BTNL2: variants seen among roughly 807,000 people sequenced by gnomAD.
BTNL2 encodes the protein butyrophilin like 2.
A neutral mutation model predicts 46.8 loss-of-function variants in BTNL2; 46 were observed. The ratio of observed to expected loss-of-function variants is 0.98; its 90% CI spans 0.78 to 1.26. The LOEUF (loss-of-function observed/expected upper bound fraction) is 1.26. BTNL2 is among the 50% of genes most tolerant of loss of function. The pLI, the probability that BTNL2 is intolerant of heterozygous loss-of-function variation, is 0.00. For synonymous variants in BTNL2, 226 were observed against 229.1 expected, an observed-to-expected ratio of 0.99 and a Z score of 0.12; for missense variants, 461 against 592.6, an observed-to-expected ratio of 0.78 and a Z score of 2.31.
Position 32,405,293 on chromosome 6 carries a change from A to G in BTNL2, c.80-7T>C. ...CCAATGACTCTAAAGTCTTCTATAA[A>G]ATAAGTGAAAAAGAGGAACGAGGAA... On this transcript the variant is annotated splice_polypyrimidine_tract_variant and splice_region_variant and intron_variant, in intron 1 of 7. Transcript: ENST00000454136. The G allele has an allele frequency of 6.2e-7, 1 of 1,612,438 alleles. No individual in the cohort carries two copies. Among genetic ancestry groups the G allele is most frequent in the Non-Finnish European group, 8.5e-7 (1 of 1,179,598 alleles).
chr6:32,396,351 G>C lies in BTNL2; in HGVS notation c.766C>G (p.Leu256Val). 6.2e-7 allele frequency: 1 copy of C among 1,612,644 alleles called. No individual in the cohort carries two copies. The highest frequency in any genetic ancestry group is 8.5e-7 in the Non-Finnish European group (1 of 1,179,734). Residue 256 changes from leucine (L) to valine (V), a missense_variant, in exon 5 of 8, where the codon CTC becomes GTC. By Grantham distance (32) the Leu-to-Val change is conservative. Transcript: ENST00000454136. The surrounding 1 kb of genome is among the most constrained non-coding windows in gnomAD (Gnocchi z 4.4). ...TGTATATCTTCTCCCACTCTGACGA[G>C]GATGGGCTGGGAAGGTCCATTCACT... Reference protein sequence around the residue: ...LKVNGPSQPILVRVGEDIQLT... With the variant: ...LKVNGPSQPIVVRVGEDIQLT...
Position 32,401,772 on chromosome 6 carries a change from A to T in BTNL2, c.730+13T>A, listed in dbSNP as rs777986116. The T allele has an allele frequency of 7.4e-6, 12 of 1,611,720 alleles. No homozygotes were observed. In the South Asian group the frequency reaches 1.0e-4, roughly 13 times the overall value. On this transcript the variant is annotated intron_variant, in intron 4 of 7. Coordinates refer to ENST00000454136, the MANE Select transcript of BTNL2 (RefSeq NM_001304561.2). ...GCTCCCTCCACAGGTGTGTGCCAGC[A>T]CCTCGTACTTACCCAGCTCAGTCTG... is the stretch of plus-strand genomic sequence containing the variant.
chr6:32,400,600 A>C lies in BTNL2; in HGVS notation c.730+1185T>G, dbSNP rs186783551. 1.5e-4 allele frequency among the ~76,000 whole-genome samples: 22 copies of C among 151,604 alleles called. No individual in the cohort carries two copies. The East Asian group carries it at 4.3e-3, about 30-fold the overall frequency. Reference sequence around the variant, plus strand: ...GCAGCAAAATAATACCCTCAGTCCAACTCCGAGATTTAAAAAACAAAAATT... The same window carrying C: ...GCAGCAAAATAATACCCTCAGTCCACCTCCGAGATTTAAAAAACAAAAATT... On this transcript the variant is annotated intron_variant, in intron 4 of 7. Transcript: ENST00000454136.
intron 2 of BTNL2, among the ~76,000 whole-genome samples, chr6:32,403,515 A>T (rs58110932): frequency 0.12 from 18,528 of 152,144 alleles, 1,342 homozygotes; most frequent in East Asian, 0.31. Context: ...AACAGAGATG[A>T]GCTGTAATTT....
At position 32,399,920 on chromosome 6, in the gene BTNL2, C is replaced by G. The variant is rs116522341; in HGVS notation, c.730+1865G>C. ...CGTGCCCAGAGCCCTCCTCTCCCAC[C>G]TGACAGGAAGCAAAGGGAAGCTCCA... On this transcript the variant is annotated intron_variant, in intron 4 of 7. Transcript: ENST00000454136. This position sits in a 1 kb window ranked among gnomAD's most constrained non-coding sequence, Gnocchi z 5.2. Among the ~76,000 whole-genome samples the G allele has an allele frequency of 0.02, 3,029 of 152,282 alleles. 43 individuals carry two copies. Among genetic ancestry groups the G allele is most frequent in the Non-Finnish European group, 0.032 (2,204 of 68,028 alleles).
At chr6:32,395,138 T>TC in intron 5 of BTNL2, 113 bp from the exon 6 acceptor site, 4 of 1,073,348 alleles carry the variant, frequency 3.7e-6, no homozygotes, top group South Asian at 1.7e-5. Context: ...GGAGAAAAGC[T>TC]TAAGGGGGAT....
chr6:32,397,612 C>T lies in BTNL2; in HGVS notation c.731-1226G>A, dbSNP rs143142705. On this transcript the variant is annotated intron_variant, in intron 4 of 7. Coordinates refer to ENST00000454136, the MANE Select transcript of BTNL2 (RefSeq NM_001304561.2). ...ATCTGTCTTAAACTACTTCTTAATGCCTCAGTTTCTTAAACTGTAAATTTG... is the reference window on the plus strand; with the variant it reads ...ATCTGTCTTAAACTACTTCTTAATGTCTCAGTTTCTTAAACTGTAAATTTG... Among the ~76,000 whole-genome samples, 128 of 152,274 alleles carry T rather than the reference C, an allele frequency of 8.4e-4. 1 individual carries two copies. The East Asian group carries it at 0.024, about 29-fold the overall frequency.
Position 32,393,947 on chromosome 6 carries a change from T to C in BTNL2, c.*6+16A>G. 6.5e-7 allele frequency: 1 copy of C among 1,548,240 alleles called. No individual in the cohort carries two copies. On this transcript the variant is annotated intron_variant, in intron 7 of 7. Transcript: ENST00000454136. This position sits in a 1 kb window ranked among gnomAD's most constrained non-coding sequence, Gnocchi z 4.8. ...CCACTGCAGTGTGCTCCGCTGTTTCTGTTTCCCTGACTTACCTCTTTTCAG... is the reference window on the plus strand; with the variant it reads ...CCACTGCAGTGTGCTCCGCTGTTTCCGTTTCCCTGACTTACCTCTTTTCAG...
At chr6:32,403,303 G>A (rs570636503) in intron 2 of BTNL2, 87 bp from the exon 3 acceptor site, 2 of 1,428,914 alleles carry the variant, frequency 1.4e-6, no homozygotes, top group East Asian at 2.5e-5. Flanking sequence ...TTGCTCACAG[G>A]GAGGTGGCCG....
intron 1 of BTNL2, chr6:32,406,771 G>C: frequency 3.7e-6 from 1 of 266,736 alleles, no homozygotes; most frequent in East Asian, 6.5e-5. Context: ...CCTAAAGCCT[G>C]TGCTGGCCTC....
At position 32,393,963 on chromosome 6, in the gene BTNL2, C is replaced by T. The variant is rs1776276990; in HGVS notation, c.*6G>A. 1 of 1,545,452 alleles carries T rather than the reference C, an allele frequency of 6.5e-7. No homozygotes were observed. The highest frequency in any genetic ancestry group is 8.7e-7 in the Non-Finnish European group (1 of 1,145,044). ...CGCTGTTTCTGTTTCCCTGACTTAC[C>T]TCTTTTCAGCTCCTCTTCCTGGGCA... is the stretch of plus-strand genomic sequence containing the variant. On this transcript the variant is annotated splice_region_variant and 3_prime_UTR_variant, in exon 7 of 8. Coordinates refer to ENST00000454136, the MANE Select transcript of BTNL2 (RefSeq NM_001304561.2). This position sits in a 1 kb window ranked among gnomAD's most constrained non-coding sequence, Gnocchi z 4.8.
rs60036207 is a variant in BTNL2 at position 32,403,017 on chromosome 6, C to T, written c.627G>A (p.Arg209=). 132,292 of 1,612,688 alleles carry T rather than the reference C, an allele frequency of 0.082. 7,027 individuals carry two copies. Among genetic ancestry groups the T allele is most frequent in the East Asian group, 0.19 (8,544 of 44,842 alleles). ...AGGACACAGACTCTGCAGAGGCGTTCCTGACCACCAGGGTGGCTTCCGCAT... is the reference window on the plus strand; with the variant it reads ...AGGACACAGACTCTGCAGAGGCGTTTCTGACCACCAGGGTGGCTTCCGCAT... ...LFYAEATLVV[R]NASAESVSCL... is the part of the protein sequence containing the mutation. Residue 209 remains arginine, a synonymous_variant, in exon 3 of 8, where the codon AGG becomes AGA. Coordinates refer to ENST00000454136, the MANE Select transcript of BTNL2 (RefSeq NM_001304561.2).
At position 32,407,067 on chromosome 6, in the gene BTNL2, G is replaced by C; in HGVS notation, c.57C>G (p.Ile19Met). 6.2e-7 allele frequency: 1 copy of C among 1,612,948 alleles called. No individual in the cohort carries two copies. The highest frequency in any genetic ancestry group is 8.5e-7 in the Non-Finnish European group (1 of 1,179,962). The part of the protein sequence containing the change: ...LSGAVASFLF[I>M]LLTMKQSEDF... The stretch of plus-strand genomic sequence containing the variant: ...TACCTGACTGCTTCATTGTCAGCAG[G>C]ATGAATAGGAAGGAGGCGACTGCAC... The change falls in exon 1 of 8, where the codon ATC (isoleucine) becomes ATG (methionine). Residue 19 changes from isoleucine (I) to methionine (M), a missense_variant. Transcript: ENST00000454136.
At position 32,394,974 on chromosome 6, in the gene BTNL2, A is replaced by G. The variant is rs1776357671; in HGVS notation, c.1130T>C (p.Met377Thr). Reference protein sequence around the residue: ...ITVEGQEDGEMQPMCSSDGWF... With the variant: ...ITVEGQEDGETQPMCSSDGWF... ...CCCATCTGAAGAGCACATCGGCTGC[A>G]TTTCTCCATCTTCTTGCCCCTCCAC... Residue 377 changes from methionine to threonine, a missense_variant, in exon 6 of 8, where the codon ATG (methionine) becomes ACG (threonine). Coordinates refer to ENST00000454136, the MANE Select transcript of BTNL2 (RefSeq NM_001304561.2). This position sits in a 1 kb window ranked among gnomAD's most constrained non-coding sequence, Gnocchi z 4.6. 6.2e-7 allele frequency: 1 copy of G among 1,612,678 alleles called. No homozygotes were observed. Among genetic ancestry groups the G allele is most frequent in the Admixed American group, 1.7e-5 (1 of 59,944 alleles).
rs17208741 is a variant in BTNL2, at chr6:32,393,668, T to C, written c.*7-279A>G. 0.11 allele frequency: 25,210 copies of C among 238,246 alleles called. 1,753 individuals are homozygous for C. Among genetic ancestry groups the C allele is most frequent in the African/African-American group, 0.13 (5,536 of 44,172 alleles). 14.8% of individuals were successfully genotyped at this position (238,246 alleles called of 1,614,324 possible). A position where few individuals can be genotyped will look rare whatever the true frequency, so the allele number is the denominator to read the frequency against. ...GCCTTGAAAACAAGGATGGCTGTAC[T>C]ACTCACTTTTTTCTTCTTCTTCCCT... is the stretch of plus-strand genomic sequence containing the variant. On this transcript the variant is annotated intron_variant, in intron 7 of 7. Transcript: ENST00000454136. The surrounding 1 kb of genome is among the most constrained non-coding windows in gnomAD (Gnocchi z 4.8).
intron 2 of BTNL2, among the ~76,000 whole-genome samples, 155 bp from the exon 3 acceptor site, chr6:32,403,371 T>G (rs1183189124): frequency 6.6e-6 from 1 of 152,172 alleles, no homozygotes. Context: ...CAAATGTGAG[T>G]TCAGATACAC....
At position 32,396,299 on chromosome 6, in the gene BTNL2, G is replaced by A. The variant is rs138515121; in HGVS notation, c.818C>T (p.Ala273Val). ...CCTCACCTCCATGCTCTGTGCATTC[G>A]CCTTGGGGGACAGGTAACAGGTTAG... Reference protein sequence around the residue: ...IQLTCYLSPKANAQSMEVRWD... With the variant: ...IQLTCYLSPKVNAQSMEVRWD... The change falls in exon 5 of 8, where the codon GCG (alanine) becomes GTG (valine). Residue 273 changes from alanine (A) to valine (V), a missense_variant. Ala to Val is a moderately conservative substitution (Grantham distance 64, BLOSUM62 0). Transcript: ENST00000454136. This position sits in a 1 kb window ranked among gnomAD's most constrained non-coding sequence, Gnocchi z 4.4. 9.9e-4 allele frequency: 1,603 copies of A among 1,612,846 alleles called. 13 individuals are homozygous for A. In the African/African-American group the frequency reaches 0.018, roughly 18 times the overall value.
In BTNL2 at chr6:32,396,841, A is replaced by C. The variant is rs547385707; in HGVS notation, c.731-455T>G. Among the ~76,000 whole-genome samples the C allele has an allele frequency of 2.0e-5, 3 of 151,952 alleles. No homozygotes were observed. The highest frequency in any genetic ancestry group is 4.4e-5 in the Non-Finnish European group (3 of 67,994). ...ACAGAAATACAAAAATTAGTCGGGC[A>C]TGATGGTGGGTGCCTGTAATCCCAG... On this transcript the variant is annotated intron_variant, in intron 4 of 7. Transcript: ENST00000454136. The surrounding 1 kb of genome is among the most constrained non-coding windows in gnomAD (Gnocchi z 4.4).
chr6:32,404,687 A>G (rs1484260867), intron 2 of BTNL2, among the ~76,000 whole-genome samples: 2 of 152,244 alleles, frequency 1.3e-5, no homozygotes, highest in African/African-American at 2.4e-5. Flanking sequence ...CAAAATTGCT[A>G]AAGACTGCAT....
Sources: allele counts gnomAD v4.1 joint callset (sites outside exome capture counted in the v4.1 genomes callset), GRCh38; gene constraint gnomAD v4.1.1; non-coding constraint Gnocchi (gnomAD v3.1); transcripts MANE v1.5; gene names NCBI Gene and HGNC (gene_info 2026-07-23, HGNC 2026-07-21).